The following ATP4B variants were observed in gnomAD, a reference collection of about 807,000 sequenced individuals.
ATP4B encodes potassium-transporting ATPase subunit beta.
A neutral mutation model predicts 35.3 loss-of-function variants in ATP4B; 27 were observed. That is an observed-to-expected ratio of 0.76 (90% CI 0.56 to 1.05). ATP4B has a LOEUF of 1.05. Among genes scored for constraint, ATP4B ranks in the 50% least tolerant of loss-of-function variants. The probability of loss-of-function intolerance (pLI) is 0.00; values close to 1 mark genes in which losing one functional copy is unlikely to be tolerated. For missense variants in ATP4B, 375 were observed against 384.8 expected, an observed-to-expected ratio of 0.97 and a Z score of 0.21; for synonymous variants, 162 against 156.0, an observed-to-expected ratio of 1.04 and a Z score of -0.29.
chr13:113,656,201 G>C (rs1297866377), intron 1 of ATP4B, among the ~76,000 whole-genome samples: 3 of 152,212 alleles, frequency 2.0e-5, no homozygotes, highest in African/African-American at 7.2e-5. Context: ...TGGCCCTGCA[G>C]GTCCTGCCTC....
rs1216069246 is a variant in ATP4B, at chr13:113,650,042, G to C, written c.714+364C>G. On this transcript the variant is annotated intron_variant, in intron 6 of 6. Coordinates refer to ENST00000335288, the MANE Select transcript of ATP4B (RefSeq NM_000705.4). The surrounding 1 kb of genome is among the most constrained non-coding windows in gnomAD (Gnocchi z 5.0). ...GCTGGGCATGTTGGTGTGTGCCTGT[G>C]GTCTCAGCTACTTAGGAGGCTGAGG... Among the ~76,000 whole-genome samples the C allele has an allele frequency of 6.6e-6, 1 of 152,006 alleles. No homozygotes were observed. Among genetic ancestry groups the C allele is most frequent in the Non-Finnish European group, 1.5e-5 (1 of 67,998 alleles).
At chr13:113,651,432 G>A (rs541478010) in intron 5 of ATP4B, among the ~76,000 whole-genome samples, 11 of 152,202 alleles carry the variant, frequency 7.2e-5, no homozygotes, top group Non-Finnish European at 1.5e-4. Context: ...CTGCTGACAC[G>A]CTACTCAGAT....
At position 113,650,482 on chromosome 13, in the gene ATP4B, G is replaced by A. The variant is rs187406189; in HGVS notation, c.638C>T (p.Pro213Leu). 6.1e-5 allele frequency: 98 copies of A among 1,613,786 alleles called. No individual in the cohort carries two copies. Among genetic ancestry groups the A allele is most frequent in the African/African-American group, 4.3e-4 (32 of 75,062 alleles). Residue 213 changes from proline (P) to leucine (L), a missense_variant, in exon 6 of 7, where the codon CCG (proline) becomes CTG (leucine). Transcript: ENST00000335288. The surrounding 1 kb of genome is among the most constrained non-coding windows in gnomAD (Gnocchi z 5.0). ...FLDQPRELGQ[P>L]LQVKYYPPNG... ...GGGAGGGTAGTACTTGACCTGCAGC[G>A]GCTGGCCGAGCTCGCGGGGCTGGTC...
rs1327659068 is a variant in ATP4B at position 113,649,941 on chromosome 13, T to C, written c.715-406A>G. ...ACTTTGGGAGCCTGAGGCAGGCTGATTGCTTCAGCCCAGGAGTTCAAGACC... is the reference window on the plus strand; with the variant it reads ...ACTTTGGGAGCCTGAGGCAGGCTGACTGCTTCAGCCCAGGAGTTCAAGACC... On this transcript the variant is annotated intron_variant, in intron 6 of 6. Transcript: ENST00000335288. The surrounding 1 kb of genome is among the most constrained non-coding windows in gnomAD (Gnocchi z 4.7). 6.6e-6 allele frequency among the ~76,000 whole-genome samples: 1 copy of C among 152,138 alleles called. No individual in the cohort carries two copies. The highest frequency in any genetic ancestry group is 2.4e-5 in the African/African-American group (1 of 41,420).
In ATP4B at chr13:113,649,615, ACAGT is replaced by A. The variant is rs1439103935; in HGVS notation, c.715-84_715-81del. On this transcript the variant is annotated intron_variant, in intron 6 of 6. Coordinates refer to ENST00000335288, the MANE Select transcript of ATP4B (RefSeq NM_000705.4). This position sits in a 1 kb window ranked among gnomAD's most constrained non-coding sequence, Gnocchi z 4.7. ...GAGAAAACTAAGCAAGGAAGTGTCA[ACAGT>A]CAGGTTGGTGCAGAGAAGCAGCTCT... 1 of 1,420,202 alleles carries A rather than the reference ACAGT, an allele frequency of 7.0e-7. No individual in the cohort carries two copies. The highest frequency in any genetic ancestry group is 2.6e-5 in the East Asian group (1 of 38,182). The allele number at this position is 1,420,202 out of a possible 1,614,324, so 88.0% of individuals were successfully genotyped here.
chr13:113,652,484 C>T (rs1372985334), intron 4 of ATP4B, among the ~76,000 whole-genome samples: 1 of 152,214 alleles, frequency 6.6e-6, no homozygotes, highest in South Asian at 2.1e-4. Flanking sequence ...CCCTAAGGGG[C>T]CCCTGGTCCC....
intron 1 of ATP4B, among the ~76,000 whole-genome samples, chr13:113,656,278 G>A (rs939636200): frequency 3.9e-5 from 6 of 152,192 alleles, no homozygotes; most frequent in Admixed American, 2.0e-4. Flanking sequence ...GGGGACCTAC[G>A]CTCGTGACGG....
chr13:113,653,431 AC>A lies in ATP4B; in HGVS notation c.244del (p.Val82Ter). On this transcript the variant is annotated frameshift_variant and splice_region_variant, in exon 3 of 7. Coordinates refer to ENST00000335288, the MANE Select transcript of ATP4B (RefSeq NM_000705.4). LOFTEE classifies it high-confidence loss of function. ...CCCGTAAACATCCGGCCTTAAGGTT[AC>A]CCCTGGAGAGAGAGACCTTTGTGCT... ...DYQDQLRSPG[V>X]TLRPDVYGEK... 1 of 1,613,600 alleles carries A rather than the reference AC, an allele frequency of 6.2e-7. No homozygotes were observed. Among genetic ancestry groups the A allele is most frequent in the African/African-American group, 1.3e-5 (1 of 75,036 alleles).
chr13:113,658,038 C>T lies in ATP4B; in HGVS notation c.107G>A (p.Arg36Gln), dbSNP rs200646615. The stretch of plus-strand genomic sequence containing the variant: ...GGCCCGCCCCCCGCACGTACCCCAC[C>T]GGGACAGGGTGCGGCCCAGCATCTG... Reference protein sequence around the residue: ...TGQMLGRTLSRWVWISLYYVA... With the variant: ...TGQMLGRTLSQWVWISLYYVA... Residue 36 changes from arginine to glutamine, a missense_variant, in exon 1 of 7, where the codon CGG becomes CAG. Arg to Gln is a conservative substitution (Grantham distance 43). Transcript: ENST00000335288. 1,372 of 1,600,104 alleles carry T rather than the reference C, an allele frequency of 8.6e-4. 25 individuals carry two copies. The South Asian group carries it at 0.013, about 15-fold the overall frequency.
chr13:113,649,271 T>C lies in ATP4B; in HGVS notation c.*103A>G. On this transcript the variant is annotated 3_prime_UTR_variant, in exon 7 of 7. Coordinates refer to ENST00000335288, the MANE Select transcript of ATP4B (RefSeq NM_000705.4). The surrounding 1 kb of genome is among the most constrained non-coding windows in gnomAD (Gnocchi z 4.7). ...GACAACACCGTTGCTCCAAACCACT[T>C]TGGGGATGATTTGGCAGGGAACTGA... The C allele has an allele frequency of 7.2e-7, 1 of 1,392,022 alleles. No homozygotes were observed. The highest frequency in any genetic ancestry group is 9.7e-7 in the Non-Finnish European group (1 of 1,033,088). 86.2% of individuals were successfully genotyped at this position (1,392,022 alleles called of 1,614,324 possible).
At chr13:113,657,916 A>G in intron 1 of ATP4B, 117 bp downstream of exon 1, 1 of 823,222 alleles carries the variant, frequency 1.2e-6, no homozygotes, top group East Asian at 2.7e-5. Context: ...CCATCCAGGC[A>G]GCATCGGGGT....
Position 113,649,886 on chromosome 13 carries a change from G to A in ATP4B, c.715-351C>T, listed in dbSNP as rs2049698633. Among the ~76,000 whole-genome samples the A allele has an allele frequency of 6.6e-6, 1 of 152,192 alleles. No homozygotes were observed. Among genetic ancestry groups the A allele is most frequent in the Non-Finnish European group, 1.5e-5 (1 of 68,022 alleles). On this transcript the variant is annotated intron_variant, in intron 6 of 6. Coordinates refer to ENST00000335288, the MANE Select transcript of ATP4B (RefSeq NM_000705.4). The surrounding 1 kb of genome is among the most constrained non-coding windows in gnomAD (Gnocchi z 4.7). ...TCTGGGAAGTAGAAAAATTAGGCTG[G>A]GCGCAGTGGCTCATGCCTGTAATCC...
Position 113,650,378 on chromosome 13 carries a change from G to C in ATP4B, c.714+28C>G. 6.3e-7 allele frequency: 1 copy of C among 1,594,564 alleles called. No homozygotes were observed. Among genetic ancestry groups the C allele is most frequent in the South Asian group, 1.1e-5 (1 of 90,604 alleles). ...TGTGAGAGGACTCAGCAGCTGTGGT[G>C]AGGGAAGCGTGGAAGGAAGGAACCT... On this transcript the variant is annotated intron_variant, in intron 6 of 6. Transcript: ENST00000335288. The surrounding 1 kb of genome is among the most constrained non-coding windows in gnomAD (Gnocchi z 5.0).
At position 113,654,776 on chromosome 13, in the gene ATP4B, C is replaced by T. The variant is rs2049740157; in HGVS notation, c.241+38G>A. ...AGAGCCGAGGAGGCGGCAGCCTGGC[C>T]TGTCACACGGCATGGGGGCAACATC... On this transcript the variant is annotated intron_variant, in intron 2 of 6. Transcript: ENST00000335288. 3 of 1,603,938 alleles carry T rather than the reference C, an allele frequency of 1.9e-6. No homozygotes were observed. The African/African-American group carries it at 4.0e-5, about 21-fold the overall frequency.
chr13:113,653,225 C>T, intron 3 of ATP4B, 96 bp downstream of exon 3: 1 of 1,334,940 alleles, frequency 7.5e-7, no homozygotes, highest in Non-Finnish European at 1.0e-6. Flanking sequence ...TGCTGCTTCA[C>T]ACCTCACCCA....
chr13:113,650,165 T>C lies in ATP4B; in HGVS notation c.714+241A>G, dbSNP rs954806699. On this transcript the variant is annotated intron_variant, in intron 6 of 6. Transcript: ENST00000335288. The surrounding 1 kb of genome is among the most constrained non-coding windows in gnomAD (Gnocchi z 5.0). ...CACCCTGGGTGACAGAGCAAGACTG[T>C]CTCAAAAAAAAAAAAAAAAGTTGAA... Among the ~76,000 whole-genome samples the C allele has an allele frequency of 2.1e-5, 3 of 145,232 alleles. No homozygotes were observed. The highest frequency in any genetic ancestry group is 2.0e-4 in the Admixed American group (3 of 14,844).
intron 3 of ATP4B, 57 bp from the exon 4 acceptor site, chr13:113,653,129 C>T (rs1161164811): frequency 1.3e-6 from 2 of 1,563,318 alleles, no homozygotes; most frequent in African/African-American, 1.4e-5. Flanking sequence ...GCCTGGCTGC[C>T]CCCCGGGAAG....
chr13:113,652,761 T>A (rs1432828962), intron 4 of ATP4B, 112 bp downstream of exon 4: 2 of 1,274,680 alleles, frequency 1.6e-6, no homozygotes, highest in East Asian at 2.5e-5. Context: ...GGAGTCCCTG[T>A]CCCGCTTGGG....
At chr13:113,657,307 AG>A (rs1360402753) in intron 1 of ATP4B, among the ~76,000 whole-genome samples, 1 of 152,160 alleles carries the variant, frequency 6.6e-6, no homozygotes, top group Non-Finnish European at 1.5e-5. Context: ...CCCGACGCCC[AG>A]GGGTCGCAGG....
Sources: allele counts gnomAD v4.1 joint callset (sites outside exome capture counted in the v4.1 genomes callset), GRCh38; gene constraint gnomAD v4.1.1; non-coding constraint Gnocchi (gnomAD v3.1); transcripts MANE v1.5; gene names NCBI Gene and HGNC (gene_info 2026-07-23, HGNC 2026-07-21).